RYR3: variants seen among roughly 807,000 people sequenced by gnomAD.
RYR3 encodes the protein brain ryanodine receptor-calcium release channel.
RYR3 carries 207 observed loss-of-function variants against 584.3 expected under a neutral mutation model. That is an observed-to-expected ratio of 0.35 (90% confidence interval 0.32 to 0.40). The LOEUF (loss-of-function observed/expected upper bound fraction) is 0.40, where lower values mean the gene tolerates loss of function less well. RYR3 is among the 10% of genes least tolerant of loss of function. RYR3 has a pLI of 1.00. For missense variants in RYR3, 5,616 were observed against 6,089.2 expected, an observed-to-expected ratio of 0.92 and a Z score of 2.59; for synonymous variants, 2,416 against 2,248.5, an observed-to-expected ratio of 1.07 and a Z score of -2.11.
intron 1 of RYR3, among the ~76,000 whole-genome samples, chr15:33,379,687 C>CTCTCTCTCTCTCTCTCTCTATATATA: frequency 6.4e-5 from 8 of 125,524 alleles, no homozygotes; most frequent in African/African-American, 2.5e-4. Flanking sequence ...CTCTCTCTCT[C>CTCTCTCTCTCTCTCTCTCTATATATA]TATATATATA....
At chr15:33,685,274 A>G (rs1035756509) in intron 38 of RYR3, among the ~76,000 whole-genome samples, 2 of 152,180 alleles carry the variant, frequency 1.3e-5, no homozygotes, top group African/African-American at 4.8e-5. Flanking sequence ...ATGGAAAGCA[A>G]TAAAAAGCAG....
intron 102 of RYR3, 138 bp downstream of exon 102, chr15:33,861,316 C>G: frequency 1.7e-6 from 1 of 584,770 alleles, no homozygotes; most frequent in Non-Finnish European, 3.1e-6. Flanking sequence ...GTACCTTTGT[C>G]CATAGACTCT....
intron 12 of RYR3, among the ~76,000 whole-genome samples, chr15:33,572,698 G>A (rs2058096074): frequency 8.8e-6 from 1 of 113,374 alleles, no homozygotes; most frequent in Non-Finnish European, 1.8e-5. Flanking sequence ...CACTGGGCTG[G>A]GCACAATGGC....
At chr15:33,552,750 T>C (rs1045964651) in intron 10 of RYR3, among the ~76,000 whole-genome samples, 1 of 152,088 alleles carries the variant, frequency 6.6e-6, no homozygotes, top group African/African-American at 2.4e-5. Context: ...AGGAAGAGCA[T>C]GTGGAGAACA....
At chr15:33,636,674 A>G in intron 27 of RYR3, 124 bp downstream of exon 27, 1 of 827,554 alleles carries the variant, frequency 1.2e-6, no homozygotes, top group Admixed American at 2.9e-5. Context: ...TGAAAACCCT[A>G]ATGGTGAAGA....
intron 27 of RYR3, among the ~76,000 whole-genome samples, chr15:33,642,027 G>C (rs2061856619): frequency 6.6e-6 from 1 of 152,130 alleles, no homozygotes; most frequent in African/African-American, 2.4e-5. Flanking sequence ...CGTGACTGTG[G>C]TCAAGTCCAT....
chr15:33,808,997 C>T (rs751875460), intron 70 of RYR3, among the ~76,000 whole-genome samples: 2 of 152,152 alleles, frequency 1.3e-5, no homozygotes, highest in Admixed American at 6.5e-5. Flanking sequence ...GATGCAACCA[C>T]CTGAAATTGC....
At chr15:33,810,715 C>T (rs2076480726) in intron 71 of RYR3, 66 bp downstream of exon 71, 5 of 1,596,202 alleles carry the variant, frequency 3.1e-6, no homozygotes, top group South Asian at 1.1e-5. Context: ...CATTCAGCCC[C>T]TGAAGGGTTA....
chr15:33,589,333 G>C (rs2059013422), intron 16 of RYR3, among the ~76,000 whole-genome samples: 1 of 152,100 alleles, frequency 6.6e-6, no homozygotes, highest in African/African-American at 2.4e-5. Flanking sequence ...TGAGTTGTTT[G>C]AGTTCCCTGT....
chr15:33,816,329 C>T (rs769929707), intron 74 of RYR3, among the ~76,000 whole-genome samples: 6 of 152,178 alleles, frequency 3.9e-5, no homozygotes, highest in East Asian at 1.9e-4. Context: ...ATGCCAACGA[C>T]GTAACGTGCT....
chr15:33,858,179 CA>C (rs1484305822), intron 99 of RYR3: 1 of 406,654 alleles, frequency 2.5e-6, no homozygotes, highest in Non-Finnish European at 4.4e-6. Flanking sequence ...CGTCATCATT[CA>C]TCTATTTCCG....
intron 50 of RYR3, among the ~76,000 whole-genome samples, chr15:33,738,953 C>T (rs137966578): frequency 1.2e-4 from 18 of 152,276 alleles, no homozygotes; most frequent in African/African-American, 4.3e-4. Flanking sequence ...TCACTAGGCT[C>T]GAGCCAAGAG....
chr15:33,516,075 T>C (rs1027009915), intron 3 of RYR3, among the ~76,000 whole-genome samples: 1 of 152,186 alleles, frequency 6.6e-6, no homozygotes, highest in Non-Finnish European at 1.5e-5. Flanking sequence ...TATTATGATA[T>C]TTGTATTAAA....
chr15:33,492,601 G>A (rs1051984831), intron 2 of RYR3, among the ~76,000 whole-genome samples: 3 of 152,164 alleles, frequency 2.0e-5, no homozygotes, highest in Admixed American at 2.0e-4. Context: ...GTTTTCCTTG[G>A]CTTTCATTGC....
Position 33,719,674 on chromosome 15 carries a change from C to T in RYR3, c.6620-3041C>T, listed in dbSNP as rs150284386. On this transcript the variant is annotated intron_variant, in intron 43 of 103. Coordinates refer to ENST00000634891, the MANE Select transcript of RYR3 (RefSeq NM_001036.6). ...TTCGAAAGTAGTGAACTGTGAGATA[C>T]GTCCATGTCTGAGACCACTGGCTTT... Among the ~76,000 whole-genome samples, 817 of 152,324 alleles carry T rather than the reference C, an allele frequency of 5.4e-3. 4 individuals carry two copies. The highest frequency in any genetic ancestry group is 0.01 in the Admixed American group (156 of 15,308).
intron 1 of RYR3, among the ~76,000 whole-genome samples, chr15:33,324,043 G>A (rs16969325): frequency 0.22 from 33,590 of 152,062 alleles, 6,171 homozygotes; most frequent in African/African-American, 0.51. Context: ...TGGGCAGGAT[G>A]TGACCCTTTG....
chr15:33,860,474 C>G (rs1444913200), intron 100 of RYR3, 121 bp from the exon 101 acceptor site: 3 of 561,322 alleles, frequency 5.3e-6, no homozygotes, highest in East Asian at 3.0e-5. Flanking sequence ...TATTATTTTT[C>G]TAATTTTGCT....
rs377377472 is a variant in RYR3, at chr15:33,810,500, C to A, written c.10048C>A (p.Arg3350=). 6.8e-6 allele frequency: 11 copies of A among 1,613,862 alleles called. No individual in the cohort carries two copies. Among genetic ancestry groups the A allele is most frequent in the Middle Eastern group, 3.3e-4 (2 of 6,084 alleles). The change falls in exon 71 of 104, where the codon CGG becomes AGG. Residue 3350 remains arginine, a synonymous_variant. Coordinates refer to ENST00000634891, the MANE Select transcript of RYR3 (RefSeq NM_001036.6). The part of the protein sequence containing the change: ...QVKSGGQDQE[R]KKTKRRGDLY... Reference sequence around the variant, plus strand: ...CTAGTCTGGAGGACAAGACCAGGAGCGGAAGAAGACAAAGCGGCGGGGAGA... The same window carrying A: ...CTAGTCTGGAGGACAAGACCAGGAGAGGAAGAAGACAAAGCGGCGGGGAGA...
At chr15:33,812,102 C>A (rs1057398781) in intron 72 of RYR3, among the ~76,000 whole-genome samples, 2 of 152,112 alleles carry the variant, frequency 1.3e-5, no homozygotes, top group African/African-American at 4.8e-5. Flanking sequence ...TAATTACCCA[C>A]ACTATGCATA....
Sources: allele counts gnomAD v4.1 joint callset (sites outside exome capture counted in the v4.1 genomes callset), GRCh38; gene constraint gnomAD v4.1.1; transcripts MANE v1.5; gene names NCBI Gene and HGNC (gene_info 2026-07-23, HGNC 2026-07-21).